The following PIEZO2 variants were observed in gnomAD, a reference collection of about 807,000 sequenced individuals.
The protein encoded by PIEZO2 is piezo type mechanosensitive ion channel component 2.
In PIEZO2, 172 loss-of-function variants were observed where a neutral mutation model predicts 337.3. The observed-to-expected ratio is 0.51, with a 90% CI of 0.45 to 0.58. PIEZO2 has a LOEUF of 0.58. PIEZO2 is among the 20% of genes least tolerant of loss of function. The pLI is 0.00. For synonymous variants in PIEZO2, 1,251 were observed against 1,228.5 expected, an observed-to-expected ratio of 1.02 and a Z score of -0.38; for missense variants, 3,028 against 3,391.3, an observed-to-expected ratio of 0.89 and a Z score of 2.66.
chr18:10,762,758 C>T (rs2038190401), intron 22 of PIEZO2, 133 bp from the exon 23 acceptor site: 3 of 1,321,746 alleles, frequency 2.3e-6, no homozygotes, highest in Non-Finnish European at 3.0e-6. Flanking sequence ...GGGGAGACCT[C>T]AGTATGAGAC....
chr18:10,742,466 T>C (rs1402741096), intron 32 of PIEZO2, 28 bp downstream of exon 32: 1 of 1,536,646 alleles, frequency 6.5e-7, no homozygotes, highest in Admixed American at 2.0e-5. Context: ...TGTTAAAACT[T>C]GAATAAGAGG....
At chr18:10,806,712 A>T (rs1360302112) in intron 8 of PIEZO2, among the ~76,000 whole-genome samples, 1 of 152,164 alleles carries the variant, frequency 6.6e-6, no homozygotes, top group Admixed American at 6.5e-5. Flanking sequence ...CATCCAGTAA[A>T]TGTGTGATTT....
At position 10,784,683 on chromosome 18, in the gene PIEZO2, A is replaced by G. The variant is rs2039151953; in HGVS notation, c.2492+101T>C. 1 of 1,169,772 alleles carries G rather than the reference A, an allele frequency of 8.5e-7. No homozygotes were observed. Among genetic ancestry groups the G allele is most frequent in the South Asian group, 1.9e-5 (1 of 52,150 alleles). The allele number at this position is 1,169,772 out of a possible 1,614,324, so 72.5% of individuals were successfully genotyped here. A position where few individuals can be genotyped will look rare whatever the true frequency, so the allele number is the denominator to read the frequency against. ...TACTCATGGAAAATTCAAGGCTGAA[A>G]CTTTTAGATTACTGGCTTCTCGCAA... On this transcript the variant is annotated intron_variant, in intron 17 of 55. Coordinates refer to ENST00000674853, the MANE Select transcript of PIEZO2 (RefSeq NM_001378183.1). This position sits in a 1 kb window ranked among gnomAD's most constrained non-coding sequence, Gnocchi z 4.5.
At chr18:10,771,164 C>G (rs11876884) in intron 20 of PIEZO2, among the ~76,000 whole-genome samples, 1 of 152,232 alleles carries the variant, frequency 6.6e-6, no homozygotes. Flanking sequence ...CTGTCTCCTT[C>G]GACAAGGCTT....
chr18:11,126,766 T>C lies in PIEZO2; in HGVS notation c.64+21759A>G, dbSNP rs1468538125. Among the ~76,000 whole-genome samples, 1 of 146,898 alleles carries C rather than the reference T, an allele frequency of 6.8e-6. No individual in the cohort carries two copies. Among genetic ancestry groups the C allele is most frequent in the Non-Finnish European group, 1.5e-5 (1 of 67,254 alleles). On this transcript the variant is annotated intron_variant, in intron 1 of 55. Coordinates refer to ENST00000674853, the MANE Select transcript of PIEZO2 (RefSeq NM_001378183.1). The surrounding 1 kb of genome is among the most constrained non-coding windows in gnomAD (Gnocchi z 4.6). Reference sequence around the variant, plus strand: ...ATGCTTACTATATGCCAGGTACTGTTACACAGTACCTTAAGTACATTACTA... The same window carrying C: ...ATGCTTACTATATGCCAGGTACTGTCACACAGTACCTTAAGTACATTACTA...
intron 7 of PIEZO2, among the ~76,000 whole-genome samples, chr18:10,812,426 A>G (rs907316528): frequency 3.3e-5 from 5 of 152,194 alleles, no homozygotes; most frequent in African/African-American, 9.7e-5. Flanking sequence ...CTCATCGGGT[A>G]CTATACTTAT....
Position 10,795,827 on chromosome 18 carries a change from T to C in PIEZO2, c.1528-825A>G, listed in dbSNP as rs984195223. On this transcript the variant is annotated intron_variant, in intron 12 of 55. Coordinates refer to ENST00000674853, the MANE Select transcript of PIEZO2 (RefSeq NM_001378183.1). The surrounding 1 kb of genome is among the most constrained non-coding windows in gnomAD (Gnocchi z 4.4). ...TAGGATCTCACTGTTGACCACAGAA[T>C]TTGGAAGAGTTGTATTTTAAACAAG... Among the ~76,000 whole-genome samples, 1 of 152,138 alleles carries C rather than the reference T, an allele frequency of 6.6e-6. No homozygotes were observed. Among genetic ancestry groups the C allele is most frequent in the Non-Finnish European group, 1.5e-5 (1 of 68,022 alleles).
chr18:10,698,987 C>T lies in PIEZO2; in HGVS notation c.6632G>A (p.Arg2211His), dbSNP rs1219187758. 7.8e-6 allele frequency: 12 copies of T among 1,536,790 alleles called. No individual in the cohort carries two copies. The highest frequency in any genetic ancestry group is 2.4e-5 in the South Asian group (2 of 84,060). ...GGATGGCTCGGAGCTGCTGCCGGAGCGCTTCCTCCGGACAGCTGTCTGCTG... is the reference window on the plus strand; with the variant it reads ...GGATGGCTCGGAGCTGCTGCCGGAGTGCTTCCTCCGGACAGCTGTCTGCTG... ...PEQQTAVRRK[R>H]SGSSSEPSQR... Residue 2211 changes from arginine (R) to histidine (H), a missense_variant, in exon 44 of 56, where the codon CGC (arginine) becomes CAC (histidine). Physicochemically the swap from Arg to His is conservative, Grantham distance 29. Coordinates refer to ENST00000674853, the MANE Select transcript of PIEZO2 (RefSeq NM_001378183.1).
In PIEZO2 at chr18:10,783,859, C is replaced by A. The variant is rs994163691; in HGVS notation, c.2492+925G>T. ...TCTATCCATAACTCTAGTTCCTACACAGCAGAACGCTGGAAGTTTGGCATT... is the reference window on the plus strand; with the variant it reads ...TCTATCCATAACTCTAGTTCCTACAAAGCAGAACGCTGGAAGTTTGGCATT... On this transcript the variant is annotated intron_variant, in intron 17 of 55. Transcript: ENST00000674853. The surrounding 1 kb of genome is among the most constrained non-coding windows in gnomAD (Gnocchi z 4.3). 6.6e-6 allele frequency among the ~76,000 whole-genome samples: 1 copy of A among 152,218 alleles called. No individual in the cohort carries two copies.
Position 10,813,027 on chromosome 18 carries a change from G to A in PIEZO2, c.918-5753C>T, listed in dbSNP as rs562993869. Among the ~76,000 whole-genome samples the A allele has an allele frequency of 4.0e-5, 6 of 149,228 alleles. No individual in the cohort carries two copies. The highest frequency in any genetic ancestry group is 4.3e-4 in the South Asian group (2 of 4,704). On this transcript the variant is annotated intron_variant, in intron 7 of 55. Coordinates refer to ENST00000674853, the MANE Select transcript of PIEZO2 (RefSeq NM_001378183.1). This position sits in a 1 kb window ranked among gnomAD's most constrained non-coding sequence, Gnocchi z 4.2. ...GAGACGGAGTCTCACTCTGTCACCC[G>A]GGCTGGAGTGCATTGGGCCTCTGCT...
chr18:10,929,352 C>A lies in PIEZO2; in HGVS notation c.287-18124G>T, dbSNP rs1375258026. Among the ~76,000 whole-genome samples, 1 of 152,178 alleles carries A rather than the reference C, an allele frequency of 6.6e-6. No individual in the cohort carries two copies. Among genetic ancestry groups the A allele is most frequent in the Admixed American group, 6.5e-5 (1 of 15,276 alleles). ...CCCACATATGCTGTTGTGACTGAGG[C>A]AATTCATAATGCTATGAATTCCAGA... is the stretch of plus-strand genomic sequence containing the variant. On this transcript the variant is annotated intron_variant, in intron 3 of 55. Coordinates refer to ENST00000674853, the MANE Select transcript of PIEZO2 (RefSeq NM_001378183.1). This position sits in a 1 kb window ranked among gnomAD's most constrained non-coding sequence, Gnocchi z 5.6.
At position 11,077,175 on chromosome 18, in the gene PIEZO2, C is replaced by G. The variant is rs1260730827; in HGVS notation, c.65-10953G>C. On this transcript the variant is annotated intron_variant, in intron 1 of 55. Transcript: ENST00000674853. This position sits in a 1 kb window ranked among gnomAD's most constrained non-coding sequence, Gnocchi z 4.8. Reference sequence around the variant, plus strand: ...AGTTCCTAAGCCTACCAAAATAAAACTTGCTCTCTTACCATTATGATGAAT... The same window carrying G: ...AGTTCCTAAGCCTACCAAAATAAAAGTTGCTCTCTTACCATTATGATGAAT... Among the ~76,000 whole-genome samples, 1 of 152,314 alleles carries G rather than the reference C, an allele frequency of 6.6e-6. No homozygotes were observed. Among genetic ancestry groups the G allele is most frequent in the African/African-American group, 2.4e-5 (1 of 41,566 alleles).
chr18:11,092,585 T>A lies in PIEZO2; in HGVS notation c.65-26363A>T, dbSNP rs1015447807. ...AGTTATTAATGTTAAAATTCTTTTT[T>A]AAATTCCCTTGAAAAAACCTTAGAC... On this transcript the variant is annotated intron_variant, in intron 1 of 55. Coordinates refer to ENST00000674853, the MANE Select transcript of PIEZO2 (RefSeq NM_001378183.1). This position sits in a 1 kb window ranked among gnomAD's most constrained non-coding sequence, Gnocchi z 4.5. 2.0e-5 allele frequency among the ~76,000 whole-genome samples: 3 copies of A among 152,196 alleles called. No individual in the cohort carries two copies.
intron 2 of PIEZO2, among the ~76,000 whole-genome samples, chr18:11,060,984 G>A (rs1205159513): frequency 6.6e-6 from 1 of 152,206 alleles, no homozygotes; most frequent in African/African-American, 2.4e-5. Context: ...TATCCCTGAT[G>A]AATATCGATG....
chr18:11,066,555 C>T (rs938060742), intron 1 of PIEZO2, among the ~76,000 whole-genome samples: 1 of 152,116 alleles, frequency 6.6e-6, no homozygotes, highest in Non-Finnish European at 1.5e-5. Context: ...AATTGTGACA[C>T]CAAACACATA....
chr18:11,147,658 A>C (rs2040843231), intron 1 of PIEZO2, among the ~76,000 whole-genome samples: 2 of 152,240 alleles, frequency 1.3e-5, no homozygotes, highest in African/African-American at 2.4e-5. Context: ...AGGGCCCGGC[A>C]TTCTTACGAG....
At position 10,867,659 on chromosome 18, in the gene PIEZO2, A is replaced by T. The variant is rs572366179; in HGVS notation, c.492+3594T>A. On this transcript the variant is annotated intron_variant, in intron 5 of 55. Transcript: ENST00000674853. ...TTAATAATACATTAAAATACTATCT[A>T]AAAGAAAGGCCTCAAATCTCATATA... Among the ~76,000 whole-genome samples the T allele has an allele frequency of 1.7e-3, 257 of 151,776 alleles. 2 individuals are homozygous for T. The highest frequency in any genetic ancestry group is 5.2e-3 in the African/African-American group (212 of 41,062).
rs1153750 is a variant in PIEZO2, at chr18:10,682,802, G to A, written c.7498-510C>T. Among the ~76,000 whole-genome samples the A allele has an allele frequency of 0.88, 134,197 of 152,176 alleles. 60,687 individuals are homozygous for A. The highest frequency in any genetic ancestry group is 0.98 in the Non-Finnish European group (66,576 of 68,012). ...AAAGACAATGTTGTTCGACACCTAA[G>A]GTAAGATTTGTATGATTAGAAGAGC... On this transcript the variant is annotated intron_variant, in intron 49 of 55. Transcript: ENST00000674853. This position sits in a 1 kb window ranked among gnomAD's most constrained non-coding sequence, Gnocchi z 5.6.
Position 10,702,133 on chromosome 18 carries a change from G to T in PIEZO2, c.6297C>A (p.Phe2099Leu), listed in dbSNP as rs2035367649. 2.0e-6 allele frequency: 3 copies of T among 1,536,644 alleles called. No homozygotes were observed. The highest frequency in any genetic ancestry group is 2.4e-5 in the South Asian group (2 of 83,936). ...IVVKYFFQFG[F>L]FPWNKNVEVN... Reference sequence around the variant, plus strand: ...CCTCCACATTCTTATTCCAGGGAAAGAACCCAAATTGGAAGAAATACTTGA... The same window carrying T: ...CCTCCACATTCTTATTCCAGGGAAATAACCCAAATTGGAAGAAATACTTGA... The change falls in exon 43 of 56, where the codon TTC becomes TTA. Residue 2099 changes from phenylalanine (F) to leucine (L), a missense_variant. Physicochemically the swap from Phe to Leu is conservative, Grantham distance 22 (BLOSUM62 0). Transcript: ENST00000674853.
Sources: allele counts gnomAD v4.1 joint callset (sites outside exome capture counted in the v4.1 genomes callset), GRCh38; gene constraint gnomAD v4.1.1; non-coding constraint Gnocchi (gnomAD v3.1); transcripts MANE v1.5; gene names NCBI Gene and HGNC (gene_info 2026-07-23, HGNC 2026-07-21).